CFAP20DC: variants seen among roughly 807,000 people sequenced by gnomAD.
The protein encoded by CFAP20DC is protein CFAP20DC.
Under a neutral mutation model 101.7 loss-of-function variants are expected in CFAP20DC, and 84 were observed. The ratio of observed to expected loss-of-function variants is 0.83; its 90% CI spans 0.69 to 0.99. The LOEUF (loss-of-function observed/expected upper bound fraction) is 0.99, where lower values mean the gene tolerates loss of function less well. CFAP20DC is among the 50% of genes least tolerant of loss of function. The pLI, the probability that CFAP20DC is intolerant of heterozygous loss-of-function variation, is 0.00. For synonymous variants in CFAP20DC, 359 were observed against 351.2 expected (o/e 1.02, Z -0.25); for missense variants, 1,007 against 970.3 (o/e 1.04, Z -0.50).
At chr3:59,043,233 G>A (rs182384086) in intron 3 of CFAP20DC, among the ~76,000 whole-genome samples, 2 of 152,020 alleles carry the variant, frequency 1.3e-5, no homozygotes. Flanking sequence ...GTCCAGGGAC[G>A]CTGCAACATT....
intron 15 of CFAP20DC, among the ~76,000 whole-genome samples, chr3:58,772,626 A>C (rs2070949507): frequency 6.6e-6 from 1 of 152,168 alleles, no homozygotes; most frequent in Non-Finnish European, 1.5e-5. Flanking sequence ...TATGCAAATG[A>C]AGATGTTTAT....
chr3:58,811,540 A>G (rs1232940464), intron 14 of CFAP20DC, among the ~76,000 whole-genome samples: 3 of 152,170 alleles, frequency 2.0e-5, no homozygotes, highest in Non-Finnish European at 2.9e-5. Context: ...CTTATACCTT[A>G]TAAAAAAATT....
chr3:58,766,635 C>A (rs1335411969), intron 15 of CFAP20DC, among the ~76,000 whole-genome samples: 2 of 152,202 alleles, frequency 1.3e-5, no homozygotes, highest in Non-Finnish European at 2.9e-5. Flanking sequence ...AGACCAGGAC[C>A]ATTACCTTAG....
chr3:58,823,102 AC>A lies in CFAP20DC; in HGVS notation c.2175+8583del, dbSNP rs557637906. Among the ~76,000 whole-genome samples the A allele has an allele frequency of 3.6e-3, 549 of 152,104 alleles. 1 individual carries two copies. Among genetic ancestry groups the A allele is most frequent in the Non-Finnish European group, 6.3e-3 (430 of 67,964 alleles). On this transcript the variant is annotated intron_variant, in intron 14 of 16. Transcript: ENST00000482387. Reference sequence around the variant, plus strand: ...CCTGGAGTAAAAATATTCAAGTTTCACTGTTTGTTCAGTTCTTCATTTCCTT... The same window carrying A: ...CCTGGAGTAAAAATATTCAAGTTTCATGTTTGTTCAGTTCTTCATTTCCTT...
intron 15 of CFAP20DC, among the ~76,000 whole-genome samples, chr3:58,756,926 A>C (rs2069003415): frequency 6.6e-6 from 1 of 152,030 alleles, no homozygotes; most frequent in African/African-American, 2.4e-5. Context: ...ATAATACGTT[A>C]CCCTATGGAG....
intron 4 of CFAP20DC, among the ~76,000 whole-genome samples, chr3:58,977,788 A>G (rs1011109970): frequency 6.6e-6 from 1 of 151,618 alleles, no homozygotes; most frequent in South Asian, 2.1e-4. Context: ...TGAAGGAGAC[A>G]ATATAAACTC....
At chr3:58,770,405 T>C (rs1054098015) in intron 15 of CFAP20DC, among the ~76,000 whole-genome samples, 7 of 152,194 alleles carry the variant, frequency 4.6e-5, no homozygotes, top group African/African-American at 1.2e-4. Context: ...TTTGGACTAC[T>C]GGGAACAGGT....
At chr3:58,776,624 G>A (rs1339459588) in intron 15 of CFAP20DC, among the ~76,000 whole-genome samples, 2 of 149,476 alleles carry the variant, frequency 1.3e-5, no homozygotes, top group Admixed American at 6.7e-5. Context: ...CCACTTCTTT[G>A]AGAACTACTC....
rs951040099 is a variant in CFAP20DC, at chr3:58,722,351, A to T, written c.198-4723T>A. On this transcript the variant is annotated intron_variant, in intron 3 of 3. Coordinates refer to the CFAP20DC transcript ENST00000486145. This position sits in a 1 kb window ranked among gnomAD's most constrained non-coding sequence, Gnocchi z 4.5. ...CGTGTACTACTATGGTAGTGGTCTTATATCACTCAAGTTTGGGGTGGTTTG... is the reference window on the plus strand; with the variant it reads ...CGTGTACTACTATGGTAGTGGTCTTTTATCACTCAAGTTTGGGGTGGTTTG... 1.3e-5 allele frequency among the ~76,000 whole-genome samples: 2 copies of T among 152,146 alleles called. No homozygotes were observed. The highest frequency in any genetic ancestry group is 6.5e-5 in the Admixed American group (1 of 15,274).
At chr3:59,037,339 C>A (rs1291794997) in intron 4 of CFAP20DC, among the ~76,000 whole-genome samples, 3 of 151,874 alleles carry the variant, frequency 2.0e-5, no homozygotes, top group Non-Finnish European at 2.9e-5. Flanking sequence ...TCAGAGTGAA[C>A]AGGCAACCTA....
chr3:58,744,121 A>C (rs75905372), intron 16 of CFAP20DC, among the ~76,000 whole-genome samples: 2,788 of 152,314 alleles, frequency 0.018, 88 homozygotes, highest in African/African-American at 0.064. Context: ...CTAATACCTC[A>C]TTGGTAGAGC....
At position 58,869,477 on chromosome 3, in the gene CFAP20DC, A is replaced by G. The variant is rs757759275; in HGVS notation, c.866T>C (p.Val289Ala). 3.3e-5 allele frequency: 53 copies of G among 1,609,942 alleles called. No homozygotes were observed. Among genetic ancestry groups the G allele is most frequent in the African/African-American group, 4.0e-5 (3 of 74,806 alleles). The part of the protein sequence containing the change: ...MKISSETVRS[V>A]GSKNNRSCQP... ...GCATGATCGGTTATTTTTGGACCCA[A>G]CGGATCTCACTGTCTGTAAAGGAAT... Residue 289 changes from valine (V) to alanine (A), a missense_variant, in exon 9 of 17, where the codon GTT becomes GCT. By Grantham distance (64) the Val-to-Ala change is moderately conservative (BLOSUM62 0). Coordinates refer to ENST00000482387, the MANE Select transcript of CFAP20DC (RefSeq NM_001394063.1). The surrounding 1 kb of genome is among the most constrained non-coding windows in gnomAD (Gnocchi z 4.3).
At chr3:58,984,630 T>C (rs2092692150) in intron 4 of CFAP20DC, among the ~76,000 whole-genome samples, 1 of 152,182 alleles carries the variant, frequency 6.6e-6, no homozygotes, top group Non-Finnish European at 1.5e-5. Context: ...TCATTTCACC[T>C]GATAAAACTG....
intron 4 of CFAP20DC, among the ~76,000 whole-genome samples, chr3:58,973,735 G>A (rs1363903185): frequency 1.3e-5 from 2 of 152,180 alleles, no homozygotes; most frequent in African/African-American, 4.8e-5. Flanking sequence ...TGTGGGCAAG[G>A]TTGAGGAAAC....
intron 6 of CFAP20DC, among the ~76,000 whole-genome samples, chr3:58,902,730 TCA>T (rs1302955325): frequency 6.6e-6 from 1 of 152,166 alleles, no homozygotes; most frequent in Non-Finnish European, 1.5e-5. Context: ...CTGCAGATGC[TCA>T]AGTCCCTTAT....
chr3:59,013,985 C>T (rs1354660039), intron 4 of CFAP20DC, among the ~76,000 whole-genome samples: 3 of 152,168 alleles, frequency 2.0e-5, no homozygotes, highest in South Asian at 2.1e-4. Context: ...AAGGATAATA[C>T]TGAATTCACT....
chr3:58,773,968 TA>T (rs1271135266), intron 15 of CFAP20DC, among the ~76,000 whole-genome samples: 1 of 151,990 alleles, frequency 6.6e-6, no homozygotes, highest in Non-Finnish European at 1.5e-5. Flanking sequence ...AAAAGTTTAA[TA>T]TTATGTTTTA....
chr3:58,829,787 C>G (rs989390330), intron 14 of CFAP20DC, among the ~76,000 whole-genome samples: 2 of 152,144 alleles, frequency 1.3e-5, no homozygotes, highest in African/African-American at 4.8e-5. Context: ...ACACTGTATC[C>G]AGGGCAACCA....
chr3:58,843,723 A>C (rs1430139178), intron 13 of CFAP20DC, among the ~76,000 whole-genome samples: 1 of 150,744 alleles, frequency 6.6e-6, no homozygotes, highest in Non-Finnish European at 1.5e-5. Flanking sequence ...AGATTCACCA[A>C]AGTTGAAATG....
Sources: gnomAD v4.1 joint callset for allele counts (sites outside exome capture counted in the v4.1 genomes callset) on GRCh38, gnomAD v4.1.1 for gene constraint, Gnocchi (gnomAD v3.1) non-coding constraint, MANE v1.5 for transcripts, NCBI Gene and HGNC (gene_info 2026-07-23, HGNC 2026-07-21) for gene names.